Variants in RRP15 observed in about 807,000 individuals in gnomAD.
The protein encoded by RRP15 is ribosomal RNA processing 15 homolog, also known as RRP15-like protein.
RRP15 carries 18 observed loss-of-function variants against 27.1 expected under a neutral mutation model. The observed-to-expected ratio is 0.66, with a 90% CI of 0.46 to 0.98. The LOEUF (loss-of-function observed/expected upper bound fraction) is 0.98. Among genes scored for constraint, RRP15 ranks in the 50% least tolerant of loss-of-function variants. The pLI is 0.00. For synonymous variants in RRP15, 107 were observed against 109.4 expected (o/e 0.98, Z 0.14); for missense variants, 359 against 337.8 (o/e 1.06, Z -0.49).
chr1:218,330,409 A>G (rs998335773), intron 4 of RRP15, among the ~76,000 whole-genome samples: 1 of 152,198 alleles, frequency 6.6e-6, no homozygotes, highest in African/African-American at 2.4e-5. Flanking sequence ...CATAACCTAA[A>G]TAAAGAACAT....
intron 3 of RRP15, 96 bp downstream of exon 3, chr1:218,305,221 T>G (rs2102500141): frequency 1.1e-6 from 1 of 889,550 alleles, no homozygotes; most frequent in South Asian, 1.6e-5. Context: ...CTCAGCCTTC[T>G]CAGAGCCAAG....
Position 218,307,518 on chromosome 1 carries a change from G to A in RRP15, c.591G>A (p.Lys197=), listed in dbSNP as rs1254973470. The change falls in exon 4 of 5, where the codon AAG becomes AAA. Residue 197 remains lysine, a synonymous_variant. Transcript: ENST00000366932. Reference sequence around the variant, plus strand: ...AGGAAGCTGGAAGTTCTATGAGAAAGCGTGCTAAGTTGATATCAACTGTTT... The same window carrying A: ...AGGAAGCTGGAAGTTCTATGAGAAAACGTGCTAAGTTGATATCAACTGTTT... The part of the protein sequence containing the change: ...KVKEAGSSMR[K]RAKLISTVSK... The A allele has an allele frequency of 1.9e-6, 3 of 1,613,964 alleles. No homozygotes were observed. Among genetic ancestry groups the A allele is most frequent in the African/African-American group, 2.7e-5 (2 of 75,046 alleles).
In RRP15 at chr1:218,314,798, C is replaced by G. The variant is rs186421193; in HGVS notation, c.705+7166C>G. ...ACAAGGTCAGGAGATCGAAACCATC[C>G]TGGCCAACATGGTGAAACCCCGTCT... On this transcript the variant is annotated intron_variant, in intron 4 of 4. Transcript: ENST00000366932. Among the ~76,000 whole-genome samples, 6 of 151,690 alleles carry G rather than the reference C, an allele frequency of 4.0e-5. No individual in the cohort carries two copies. In the East Asian group the frequency reaches 1.2e-3, roughly 29 times the overall value.
chr1:218,318,721 T>C (rs1180347966), intron 4 of RRP15, among the ~76,000 whole-genome samples: 1 of 152,086 alleles, frequency 6.6e-6, no homozygotes, highest in Non-Finnish European at 1.5e-5. Context: ...AGTTTCCACT[T>C]GGTTAAAGTG....
chr1:218,323,883 G>C (rs1449237602), intron 4 of RRP15, among the ~76,000 whole-genome samples: 1 of 152,194 alleles, frequency 6.6e-6, no homozygotes, highest in Non-Finnish European at 1.5e-5. Flanking sequence ...ACTGGGAGCG[G>C]GGAGAAACCG....
intron 1 of RRP15, among the ~76,000 whole-genome samples, chr1:218,287,484 A>C (rs1279069751): frequency 6.6e-6 from 1 of 152,222 alleles, no homozygotes; most frequent in African/African-American, 2.4e-5. Flanking sequence ...GTGTTCCCTT[A>C]GGTTCCAGTC....
chr1:218,328,650 G>A (rs552298039), intron 4 of RRP15, among the ~76,000 whole-genome samples: 1 of 151,744 alleles, frequency 6.6e-6, no homozygotes, highest in Non-Finnish European at 1.5e-5. Context: ...GCGACAGAGC[G>A]AGACTCCGTC....
chr1:218,292,192 C>T (rs1241530307), intron 1 of RRP15, among the ~76,000 whole-genome samples: 6 of 152,176 alleles, frequency 3.9e-5, no homozygotes, highest in African/African-American at 9.7e-5. Flanking sequence ...ACATTTTGGG[C>T]ATACTGTACT....
chr1:218,318,423 GACA>G (rs1157128220), intron 4 of RRP15, among the ~76,000 whole-genome samples: 3 of 151,960 alleles, frequency 2.0e-5, no homozygotes, highest in African/African-American at 7.3e-5. Flanking sequence ...TTTTTAAAGA[GACA>G]AGCCAGTTGT....
intron 1 of RRP15, among the ~76,000 whole-genome samples, chr1:218,298,974 G>A (rs1306281570): frequency 6.6e-6 from 1 of 152,080 alleles, no homozygotes; most frequent in Non-Finnish European, 1.5e-5. Context: ...TACTTGTCTG[G>A]TGATTTCCGT....
chr1:218,308,475 G>A (rs554184383), intron 4 of RRP15, among the ~76,000 whole-genome samples: 23 of 152,132 alleles, frequency 1.5e-4, no homozygotes, highest in Admixed American at 4.6e-4. Context: ...AAAATATGTA[G>A]TTATATTTTG....
At chr1:218,297,736 A>G (rs780632029) in intron 1 of RRP15, among the ~76,000 whole-genome samples, 3 of 152,190 alleles carry the variant, frequency 2.0e-5, no homozygotes, top group African/African-American at 4.8e-5. Flanking sequence ...TTTACATTTT[A>G]AAAGAAAAAC....
At chr1:218,307,766 G>A (rs569468906) in intron 4 of RRP15, 134 bp downstream of exon 4, 37 of 649,048 alleles carry the variant, frequency 5.7e-5, no homozygotes, top group Middle Eastern at 4.0e-4. Context: ...CTCCATGCCC[G>A]CAACCTTTAG....
chr1:218,318,742 C>CTT (rs398053827), intron 4 of RRP15, among the ~76,000 whole-genome samples: 1 of 145,516 alleles, frequency 6.9e-6, no homozygotes, highest in Non-Finnish European at 1.5e-5. Context: ...ATAATAAATA[C>CTT]TTTTTTTTTT....
intron 3 of RRP15, among the ~76,000 whole-genome samples, chr1:218,307,160 A>G (rs1440373793): frequency 6.6e-6 from 1 of 152,242 alleles, no homozygotes; most frequent in Admixed American, 6.5e-5. Context: ...ATTGAGATCC[A>G]GAAAAATCTT....
At chr1:218,325,213 C>G (rs1273021931) in intron 4 of RRP15, among the ~76,000 whole-genome samples, 3 of 152,226 alleles carry the variant, frequency 2.0e-5, no homozygotes, top group African/African-American at 4.8e-5. Context: ...CCCACGGAGT[C>G]ACTTGGCTGC....
At chr1:218,302,883 T>C (rs1655836223) in intron 2 of RRP15, among the ~76,000 whole-genome samples, 3 of 152,208 alleles carry the variant, frequency 2.0e-5, no homozygotes, top group Admixed American at 6.5e-5. Context: ...TTGCTGACTT[T>C]ATTAGGTTGT....
intron 1 of RRP15, among the ~76,000 whole-genome samples, chr1:218,287,805 A>G (rs1239967000): frequency 6.6e-6 from 1 of 152,096 alleles, no homozygotes; most frequent in African/African-American, 2.4e-5. Flanking sequence ...TGTCTTGTTT[A>G]TTTTCACAGG....
At chr1:218,316,362 C>A (rs1200646893) in intron 4 of RRP15, among the ~76,000 whole-genome samples, 3 of 152,100 alleles carry the variant, frequency 2.0e-5, no homozygotes. Flanking sequence ...AAAAAATTAT[C>A]CTGCACAGAT....
Sources: allele counts gnomAD v4.1 joint callset (sites outside exome capture counted in the v4.1 genomes callset), GRCh38; gene constraint gnomAD v4.1.1; transcripts MANE v1.5; gene names NCBI Gene and HGNC (gene_info 2026-07-23, HGNC 2026-07-21).